The following EEA1 variants were observed in gnomAD, a reference collection of about 807,000 sequenced individuals.
EEA1 encodes early endosome antigen 1, 162kD.
In EEA1, 111 loss-of-function variants were observed where a neutral mutation model predicts 209.2. The observed-to-expected ratio is 0.53, with a 90% CI of 0.45 to 0.62. The LOEUF is 0.62. EEA1 is among the 20% of genes least tolerant of loss of function. EEA1 has a pLI of 0.00. For missense variants in EEA1, 1,343 were observed against 1,530.8 expected (o/e 0.88, Z 2.05); for synonymous variants, 536 against 540.6 (o/e 0.99, Z 0.12).
At chr12:92,895,022 G>A (rs189407860) in intron 1 of EEA1, among the ~76,000 whole-genome samples, 13 of 151,888 alleles carry the variant, frequency 8.6e-5, no homozygotes, top group Admixed American at 6.6e-4. Context: ...CATTTATACC[G>A]TTCTGAAATT....
intron 3 of EEA1, among the ~76,000 whole-genome samples, chr12:92,863,359 T>C (rs192705764): frequency 5.3e-5 from 8 of 152,344 alleles, no homozygotes; most frequent in South Asian, 4.1e-4. Context: ...CTAAAGAAGA[T>C]TGGCAGCTTC....
At chr12:92,829,836 T>C (rs1011747644) in intron 11 of EEA1, among the ~76,000 whole-genome samples, 3 of 110,704 alleles carry the variant, frequency 2.7e-5, no homozygotes, top group Non-Finnish European at 5.6e-5. Flanking sequence ...AAATAAAAAA[T>C]GAGTAAGAGA....
Position 92,819,423 on chromosome 12 carries a change from T to C in EEA1, c.1613A>G (p.Asn538Ser). ...LEALLQKSKE[N>S]ISLLEKERED... is the part of the protein sequence containing the mutation. Reference sequence around the variant, plus strand: ...TCTTTCTTTTTCTAGTAATGAAATATTTTCTTTACTCTTCTGTAATAAAGC... The same window carrying C: ...TCTTTCTTTTTCTAGTAATGAAATACTTTCTTTACTCTTCTGTAATAAAGC... Residue 538 changes from asparagine to serine, a missense_variant, in exon 14 of 29, where the codon AAT becomes AGT. Physicochemically the swap from Asn to Ser is conservative, Grantham distance 46. Coordinates refer to ENST00000322349, the MANE Select transcript of EEA1 (RefSeq NM_003566.4). 3 of 1,612,402 alleles carry C rather than the reference T, an allele frequency of 1.9e-6. No individual in the cohort carries two copies. Among genetic ancestry groups the C allele is most frequent in the Non-Finnish European group, 2.5e-6 (3 of 1,179,040 alleles).
chr12:92,870,328 C>T (rs1373783405), intron 2 of EEA1, among the ~76,000 whole-genome samples: 1 of 152,024 alleles, frequency 6.6e-6, no homozygotes, highest in Non-Finnish European at 1.5e-5. Context: ...TTTTTAAAAG[C>T]TATGTTTCCT....
chr12:92,805,605 T>C (rs1001137985), intron 18 of EEA1, among the ~76,000 whole-genome samples: 1 of 152,186 alleles, frequency 6.6e-6, no homozygotes, highest in African/African-American at 2.4e-5. Flanking sequence ...TTCAAATGAA[T>C]TGGGTGGAAC....
chr12:92,811,900 T>C (rs909008284), intron 16 of EEA1, among the ~76,000 whole-genome samples: 2 of 152,184 alleles, frequency 1.3e-5, no homozygotes, highest in Non-Finnish European at 2.9e-5. Flanking sequence ...GTAAATCTAC[T>C]ATGTACCAAA....
intron 10 of EEA1, among the ~76,000 whole-genome samples, chr12:92,833,244 A>G (rs1876744238): frequency 6.6e-6 from 1 of 152,198 alleles, no homozygotes; most frequent in African/African-American, 2.4e-5. Context: ...GTGCAATTTC[A>G]TAGTTGGTAA....
intron 10 of EEA1, among the ~76,000 whole-genome samples, chr12:92,835,191 C>A (rs1032722158): frequency 3.3e-5 from 5 of 151,918 alleles, no homozygotes; most frequent in Non-Finnish European, 5.9e-5. Context: ...AGCTATAAAT[C>A]ATCTTTTGTA....
intron 1 of EEA1, among the ~76,000 whole-genome samples, chr12:92,919,184 C>G (rs1197649840): frequency 6.7e-6 from 1 of 150,000 alleles, no homozygotes; most frequent in Non-Finnish European, 1.5e-5. Flanking sequence ...GGAACTGGTA[C>G]CATTCCTTCT....
intron 1 of EEA1, among the ~76,000 whole-genome samples, chr12:92,910,685 T>A (rs1163277116): frequency 1.3e-5 from 2 of 151,504 alleles, no homozygotes; most frequent in African/African-American, 4.9e-5. Flanking sequence ...TTGTCAAGAG[T>A]AAAAAGACAA....
intron 12 of EEA1, among the ~76,000 whole-genome samples, chr12:92,826,951 A>G (rs1876338119): frequency 6.6e-6 from 1 of 152,056 alleles, no homozygotes; most frequent in African/African-American, 2.4e-5. Context: ...TTTTTTCCTT[A>G]ATAGTCATAA....
intron 2 of EEA1, among the ~76,000 whole-genome samples, chr12:92,886,374 A>G (rs1160083756): frequency 8.8e-6 from 1 of 113,504 alleles, no homozygotes; most frequent in Non-Finnish European, 1.8e-5. Flanking sequence ...GTGGAAAAAA[A>G]GAAGAGGCGA....
At chr12:92,782,239 G>T in intron 22 of EEA1, 104 bp from the exon 23 acceptor site, 1 of 903,568 alleles carries the variant, frequency 1.1e-6, no homozygotes, top group Non-Finnish European at 1.6e-6. Context: ...ACTATAAAAA[G>T]ATAGCATATT....
At position 92,864,974 on chromosome 12, in the gene EEA1, G is replaced by A; in HGVS notation, c.131C>T (p.Pro44Leu). 2 of 1,602,336 alleles carry A rather than the reference G, an allele frequency of 1.2e-6. No homozygotes were observed. Among genetic ancestry groups the A allele is most frequent in the South Asian group, 1.1e-5 (1 of 88,466 alleles). ...NESSSEGFIC[P>L]QCMKSLGSAD... ...AGATCCAAGAGATTTCATACACTGG[G>A]GACATATGAAACCCTATAGAAAGGG... Residue 44 changes from proline (P) to leucine (L), a missense_variant, in exon 3 of 29, where the codon CCC becomes CTC. Transcript: ENST00000322349.
chr12:92,859,566 C>G (rs1307587886), intron 3 of EEA1, among the ~76,000 whole-genome samples: 1 of 152,124 alleles, frequency 6.6e-6, no homozygotes, highest in Non-Finnish European at 1.5e-5. Flanking sequence ...GTTGGGCTTG[C>G]TATTCTGTCC....
intron 9 of EEA1, among the ~76,000 whole-genome samples, chr12:92,847,383 A>G (rs1227773354): frequency 6.6e-6 from 1 of 152,246 alleles, no homozygotes; most frequent in Non-Finnish European, 1.5e-5. Context: ...TAATTCACTA[A>G]CATACTTAAT....
chr12:92,772,759 C>T lies in EEA1; in HGVS notation c.*3252G>A, dbSNP rs897933689. ...GTAAACACAATACAAATAATGAACC[C>T]AAAAACTAAATGAGAAAATGTTCAT... On this transcript the variant is annotated 3_prime_UTR_variant, in exon 29 of 29. Coordinates refer to ENST00000322349, the MANE Select transcript of EEA1 (RefSeq NM_003566.4). 1 of 151,980 alleles carries T rather than the reference C, an allele frequency of 6.6e-6. No homozygotes were observed. The highest frequency in any genetic ancestry group is 2.4e-5 in the African/African-American group (1 of 41,324). The allele number at this position is 151,980 out of a possible 1,614,324, so 9.4% of individuals were successfully genotyped here. A position where few individuals can be genotyped will look rare whatever the true frequency, so the allele number is the denominator to read the frequency against.
At chr12:92,792,600 A>C (rs950007045) in intron 21 of EEA1, among the ~76,000 whole-genome samples, 2 of 152,224 alleles carry the variant, frequency 1.3e-5, no homozygotes, top group African/African-American at 4.8e-5. Context: ...GAATCTCTGA[A>C]TAGACCAATA....
At chr12:92,869,790 G>GAAAAAAAAAAAAAAAAAAAAAA (rs1230847458) in intron 2 of EEA1, among the ~76,000 whole-genome samples, 8 of 69,052 alleles carry the variant, frequency 1.2e-4, no homozygotes, top group Non-Finnish European at 2.6e-4. Flanking sequence ...AAAAAAAAAG[G>GAAAAAAAAAAAAAAAAAAAAAA]AAAGCCCTTA....
Sources: gnomAD v4.1 joint callset for allele counts (sites outside exome capture counted in the v4.1 genomes callset) on GRCh38, gnomAD v4.1.1 for gene constraint, MANE v1.5 for transcripts, NCBI Gene and HGNC (gene_info 2026-07-23, HGNC 2026-07-21) for gene names.